The following GNS variants were observed in gnomAD, a reference collection of about 807,000 sequenced individuals.
GNS encodes the protein N-acetylglucosamine-6-sulfatase.
Under a neutral mutation model 69.7 loss-of-function variants are expected in GNS, and 40 were observed. The ratio of observed to expected loss-of-function variants is 0.57; its 90% CI spans 0.45 to 0.75. The LOEUF is 0.75. Ranked by LOEUF, GNS falls within the 30% of genes least tolerant of loss-of-function variation. The pLI is 0.00. For missense variants in GNS, 565 were observed against 685.5 expected (o/e 0.82, Z 1.96); for synonymous variants, 243 against 251.6 (o/e 0.97, Z 0.32).
At chr12:64,756,742 G>A in intron 1 of GNS, 1 of 1,500,628 alleles carries the variant, frequency 6.7e-7, no homozygotes, top group Non-Finnish European at 9.0e-7. Flanking sequence ...GACAATTAGT[G>A]GTAGAATATT....
chr12:64,719,994 C>T (rs376110509), intron 13 of GNS, 28 bp downstream of exon 13: 95 of 1,587,040 alleles, frequency 6.0e-5, no homozygotes, highest in Non-Finnish European at 7.8e-5. Flanking sequence ...AAAACTTGGC[C>T]AAGTAAATGA....
At chr12:64,754,650 AG>A (rs1192839612) in intron 1 of GNS, among the ~76,000 whole-genome samples, 2 of 152,096 alleles carry the variant, frequency 1.3e-5, no homozygotes, top group African/African-American at 4.8e-5. Flanking sequence ...GCACTTTAGA[AG>A]GCAGAGGCAG....
intron 2 of GNS, among the ~76,000 whole-genome samples, chr12:64,748,643 A>G (rs573447825): frequency 2.0e-5 from 3 of 152,150 alleles, no homozygotes; most frequent in South Asian, 2.1e-4. Flanking sequence ...CACATTTCCT[A>G]TATCATTTTA....
chr12:64,722,596 T>C (rs913929339), intron 11 of GNS, among the ~76,000 whole-genome samples: 5 of 152,256 alleles, frequency 3.3e-5, no homozygotes, highest in Non-Finnish European at 4.4e-5. Flanking sequence ...TGTTTCCCTC[T>C]TTGTGACCTG....
intron 6 of GNS, among the ~76,000 whole-genome samples, chr12:64,741,578 A>T (rs1869737453): frequency 6.6e-6 from 1 of 151,762 alleles, no homozygotes; most frequent in African/African-American, 2.4e-5. Flanking sequence ...AAGCCACCAT[A>T]CCTGGTCTAC....
Position 64,724,785 on chromosome 12 carries a change from C to T in GNS, c.1201-1672G>A, listed in dbSNP as rs148835989. The stretch of plus-strand genomic sequence containing the variant: ...CTGAGGCAGGATAATTGCTTGAACC[C>T]GGACGGCAGAGGTTGTGGTGAGCCG... On this transcript the variant is annotated intron_variant, in intron 10 of 13. Transcript: ENST00000258145. 4.0e-3 allele frequency among the ~76,000 whole-genome samples: 607 copies of T among 152,224 alleles called. 3 individuals carry two copies. The highest frequency in any genetic ancestry group is 0.013 in the African/African-American group (520 of 41,532).
rs192925298 is a variant in GNS, at chr12:64,729,135, C to T, written c.1099-78G>A. ...TTCTACCTATACTAAAGTTCTCTTC[C>T]CCCCACCCCGCCCATGAGACAACAG... On this transcript the variant is annotated intron_variant, in intron 9 of 13. Coordinates refer to ENST00000258145, the MANE Select transcript of GNS (RefSeq NM_002076.4). 3.9e-3 allele frequency: 3,144 copies of T among 797,572 alleles called. 12 individuals carry two copies. The highest frequency in any genetic ancestry group is 5.1e-3 in the Non-Finnish European group (2,281 of 446,488). 49.4% of individuals were successfully genotyped at this position (797,572 alleles called of 1,614,324 possible).
At position 64,716,427 on chromosome 12, in the gene GNS, T is replaced by C. The variant is rs1868859581; in HGVS notation, c.*314A>G. ...TGAATGGGTTTACAAATTCAGTCTT[T>C]AACCACAAGAGGAATAATCAAGAAC... On this transcript the variant is annotated 3_prime_UTR_variant, in exon 14 of 14. Coordinates refer to ENST00000258145, the MANE Select transcript of GNS (RefSeq NM_002076.4). 4 of 410,608 alleles carry C rather than the reference T, an allele frequency of 9.7e-6. No homozygotes were observed. Among genetic ancestry groups the C allele is most frequent in the South Asian group, 2.3e-5 (1 of 43,748 alleles). The allele number at this position is 410,608 out of a possible 1,614,324, so 25.4% of individuals were successfully genotyped here. A position where few individuals can be genotyped will look rare whatever the true frequency, so the allele number is the denominator to read the frequency against.
chr12:64,722,730 G>C lies in GNS; in HGVS notation c.1308+276C>G, dbSNP rs185991496. On this transcript the variant is annotated intron_variant, in intron 11 of 13. Coordinates refer to ENST00000258145, the MANE Select transcript of GNS (RefSeq NM_002076.4). ...AAAAAATGGTACTGTTATTGGGAGG[G>C]GTAGAAAAACAGGGAAGAGGAATTG... The C allele has an allele frequency of 1.2e-4, 48 of 416,746 alleles. No homozygotes were observed. In the Middle Eastern group the frequency reaches 2.2e-3, roughly 19 times the overall value. 25.8% of individuals were successfully genotyped at this position (416,746 alleles called of 1,614,324 possible).
At chr12:64,728,457 G>A (rs942448224) in intron 10 of GNS, among the ~76,000 whole-genome samples, 1 of 152,216 alleles carries the variant, frequency 6.6e-6, no homozygotes, top group African/African-American at 2.4e-5. Flanking sequence ...AAAAGTATAT[G>A]AAGCAGTTTC....
At chr12:64,718,658 C>T (rs1868935363) in intron 13 of GNS, among the ~76,000 whole-genome samples, 1 of 152,254 alleles carries the variant, frequency 6.6e-6, no homozygotes, top group African/African-American at 2.4e-5. Context: ...TGGTCAGGGA[C>T]TGTTTGGCCA....
chr12:64,731,536 T>C (rs1014635145), intron 9 of GNS, among the ~76,000 whole-genome samples: 1 of 152,196 alleles, frequency 6.6e-6, no homozygotes, highest in Non-Finnish European at 1.5e-5. Flanking sequence ...CTAAATATAA[T>C]GGATAAAATG....
At chr12:64,721,169 T>G (rs976687335) in intron 12 of GNS, among the ~76,000 whole-genome samples, 7 of 152,162 alleles carry the variant, frequency 4.6e-5, no homozygotes, top group African/African-American at 1.4e-4. Flanking sequence ...ACCACCTTCT[T>G]CCATGGATGG....
At chr12:64,756,616 C>G in intron 1 of GNS, 1 of 716,768 alleles carries the variant, frequency 1.4e-6, no homozygotes, top group South Asian at 1.5e-5. Context: ...ATACTATGTA[C>G]AGCAGAGGAC....
At chr12:64,730,427 T>C (rs950673626) in intron 9 of GNS, among the ~76,000 whole-genome samples, 1 of 57,350 alleles carries the variant, frequency 1.7e-5, no homozygotes, top group African/African-American at 7.0e-5. Context: ...AGTACAGATA[T>C]GAAAGGCAAA....
chr12:64,758,933 C>G, intron 1 of GNS, 152 bp downstream of exon 1: 1 of 712,688 alleles, frequency 1.4e-6, no homozygotes, highest in Non-Finnish European at 2.6e-6. Context: ...GTCCCTTACA[C>G]CGGCATAAAG....
chr12:64,748,294 T>A (rs900591977), intron 2 of GNS, among the ~76,000 whole-genome samples: 1 of 151,814 alleles, frequency 6.6e-6, no homozygotes, highest in Non-Finnish European at 1.5e-5. Flanking sequence ...CTCGACCTCC[T>A]GGCGCAAGTG....
chr12:64,751,057 T>C (rs1870061991), intron 2 of GNS, among the ~76,000 whole-genome samples: 1 of 152,138 alleles, frequency 6.6e-6, no homozygotes, highest in African/African-American at 2.4e-5. Context: ...GTTTATAAAT[T>C]ATGAATGAGG....
chr12:64,728,727 C>T (rs1869289706), intron 10 of GNS, among the ~76,000 whole-genome samples: 1 of 152,106 alleles, frequency 6.6e-6, no homozygotes, highest in South Asian at 2.1e-4. Context: ...GTGTTCCCAA[C>T]CTCTCTTTAT....
Sources: allele counts gnomAD v4.1 joint callset (sites outside exome capture counted in the v4.1 genomes callset), GRCh38; gene constraint gnomAD v4.1.1; transcripts MANE v1.5; gene names NCBI Gene and HGNC (gene_info 2026-07-23, HGNC 2026-07-21).